The following SHISA6 variants were observed in gnomAD, a reference collection of about 807,000 sequenced individuals.
The protein encoded by SHISA6 is protein shisa-6.
In SHISA6, 22 loss-of-function variants were observed where a neutral mutation model predicts 47.9. The observed-to-expected ratio is 0.46, with a 90% confidence interval of 0.33 to 0.66. The LOEUF is 0.66. Among genes scored for constraint, SHISA6 ranks in the 30% least tolerant of loss-of-function variants. The pLI is 0.02. For synonymous variants in SHISA6, 388 were observed against 337.8 expected, an observed-to-expected ratio of 1.15 and a Z score of -1.63; for missense variants, 680 against 764.6, an observed-to-expected ratio of 0.89 and a Z score of 1.30.
chr17:11,396,642 A>T (rs1309654089), intron 3 of SHISA6, among the ~76,000 whole-genome samples: 15 of 152,186 alleles, frequency 9.9e-5, no homozygotes, highest in Non-Finnish European at 1.5e-5. Context: ...TAACACAGGA[A>T]CAGAAAGCCA....
intron 2 of SHISA6, among the ~76,000 whole-genome samples, chr17:11,298,754 G>T (rs1177628961): frequency 6.6e-6 from 1 of 152,182 alleles, no homozygotes; most frequent in Non-Finnish European, 1.5e-5. Context: ...TGAGAACCAA[G>T]AACACTAACA....
intron 3 of SHISA6, among the ~76,000 whole-genome samples, chr17:11,460,893 A>G (rs1171335968): frequency 1.3e-5 from 2 of 152,230 alleles, no homozygotes; most frequent in Admixed American, 1.3e-4. Context: ...TAATCAGCAA[A>G]ACACTAGCAG....
chr17:11,316,642 G>A (rs769533026), intron 2 of SHISA6, among the ~76,000 whole-genome samples: 6 of 151,910 alleles, frequency 3.9e-5, no homozygotes, highest in Non-Finnish European at 7.4e-5. Context: ...GGATGGTCTC[G>A]ATCTCCTAAC....
chr17:11,300,768 G>A (rs1366135288), intron 2 of SHISA6, among the ~76,000 whole-genome samples: 4 of 149,472 alleles, frequency 2.7e-5, no homozygotes, highest in East Asian at 2.0e-4. Context: ...TCAATTCCCC[G>A]GCATACTGGC....
chr17:11,486,281 T>C (rs922423943), intron 3 of SHISA6, among the ~76,000 whole-genome samples: 5 of 152,208 alleles, frequency 3.3e-5, no homozygotes, highest in African/African-American at 1.2e-4. Flanking sequence ...GAGCTTGTCA[T>C]TCAAAAGCAC....
intron 2 of SHISA6, among the ~76,000 whole-genome samples, chr17:11,372,764 C>T (rs547328517): frequency 3.3e-5 from 5 of 151,982 alleles, no homozygotes; most frequent in East Asian, 3.9e-4. Context: ...TATATTTTTC[C>T]ATAGAGAGTT....
chr17:11,471,620 A>C (rs1373308642), intron 3 of SHISA6, among the ~76,000 whole-genome samples: 1 of 152,132 alleles, frequency 6.6e-6, no homozygotes, highest in East Asian at 1.9e-4. Context: ...GACTCTTAGG[A>C]CATCTTCCTG....
chr17:11,482,104 A>G (rs1423139068), intron 3 of SHISA6, among the ~76,000 whole-genome samples: 1 of 152,184 alleles, frequency 6.6e-6, no homozygotes, highest in Non-Finnish European at 1.5e-5. Context: ...TTGAATCAAT[A>G]TAAAGTATAA....
At chr17:11,465,236 A>G (rs571609261) in intron 3 of SHISA6, among the ~76,000 whole-genome samples, 8 of 152,016 alleles carry the variant, frequency 5.3e-5, no homozygotes, top group Non-Finnish European at 8.8e-5. Flanking sequence ...CCTCCAGCCT[A>G]CTGAATCCTA....
chr17:11,331,640 A>G (rs2142205055), intron 2 of SHISA6, among the ~76,000 whole-genome samples: 1 of 152,220 alleles, frequency 6.6e-6, no homozygotes, highest in South Asian at 2.1e-4. Context: ...ATGAAACTCC[A>G]CACTCCCTTT....
intron 2 of SHISA6, among the ~76,000 whole-genome samples, chr17:11,301,045 A>G (rs535084954): frequency 6.6e-6 from 1 of 152,252 alleles, no homozygotes; most frequent in Non-Finnish European, 1.5e-5. Context: ...AAGCAAAAGA[A>G]CTTCTCCAGT....
intron 2 of SHISA6, among the ~76,000 whole-genome samples, chr17:11,320,685 G>GA (rs941283146): frequency 2.9e-4 from 44 of 150,464 alleles, no homozygotes; most frequent in Middle Eastern, 3.4e-3. Flanking sequence ...GAGAGAGAGA[G>GA]AGAGAAGAAA....
intron 3 of SHISA6, among the ~76,000 whole-genome samples, chr17:11,473,877 T>A (rs1597537003): frequency 6.6e-6 from 1 of 152,074 alleles, no homozygotes; most frequent in Non-Finnish European, 1.5e-5. Flanking sequence ...CCACATACAT[T>A]AGGTATTTGT....
intron 4 of SHISA6, among the ~76,000 whole-genome samples, chr17:11,553,929 A>G (rs547732866): frequency 6.6e-6 from 1 of 152,306 alleles, no homozygotes; most frequent in East Asian, 1.9e-4. Flanking sequence ...AATTTCATAC[A>G]GAAGAGTAAA....
chr17:11,498,402 G>A (rs990994751), intron 3 of SHISA6, among the ~76,000 whole-genome samples: 2 of 152,196 alleles, frequency 1.3e-5, no homozygotes, highest in Non-Finnish European at 2.9e-5. Context: ...TCCTTTAAGA[G>A]AGAAGGGAAG....
chr17:11,477,888 G>A (rs4438343), intron 3 of SHISA6, among the ~76,000 whole-genome samples: 90,381 of 144,016 alleles, frequency 0.63, 29,354 homozygotes, highest in African/African-American at 0.8. Context: ...ATACGTGTGC[G>A]TGTGTCTTTA....
chr17:11,333,294 C>T (rs1004251169), intron 2 of SHISA6, among the ~76,000 whole-genome samples: 7 of 152,188 alleles, frequency 4.6e-5, no homozygotes, highest in East Asian at 1.9e-4. Flanking sequence ...GTTCCTGACA[C>T]GGAACTCCTA....
At chr17:11,314,763 C>G (rs1247294896) in intron 2 of SHISA6, among the ~76,000 whole-genome samples, 2 of 152,044 alleles carry the variant, frequency 1.3e-5, no homozygotes, top group Non-Finnish European at 2.9e-5. Context: ...TGGTCTCGAA[C>G]TCCTGACCTC....
At chr17:11,368,345 T>A (rs1912522356) in intron 2 of SHISA6, among the ~76,000 whole-genome samples, 4 of 152,162 alleles carry the variant, frequency 2.6e-5, no homozygotes, top group Non-Finnish European at 4.4e-5. Context: ...GGTCTGTTTT[T>A]TCCAAAGCAC....
Sources: allele counts gnomAD v4.1 joint callset (sites outside exome capture counted in the v4.1 genomes callset), GRCh38; gene constraint gnomAD v4.1.1; transcripts MANE v1.5; gene names NCBI Gene and HGNC (gene_info 2026-07-23, HGNC 2026-07-21).